CAPZB: variants seen among roughly 807,000 people sequenced by gnomAD.
CAPZB encodes the protein capping actin protein of muscle Z-line subunit beta.
Under a neutral mutation model 38.1 loss-of-function variants are expected in CAPZB, and 2 were observed. That is an observed-to-expected ratio of 0.05 (90% CI 0.02 to 0.17). The LOEUF (loss-of-function observed/expected upper bound fraction) is 0.17, where lower values mean the gene tolerates loss of function less well. Among genes scored for constraint, CAPZB ranks in the 10% least tolerant of loss-of-function variants. The probability of loss-of-function intolerance (pLI) is 1.00; values close to 1 mark genes in which losing one functional copy is unlikely to be tolerated. For missense variants in CAPZB, 161 were observed against 334.2 expected, an observed-to-expected ratio of 0.48 and a Z score of 4.04; for synonymous variants, 107 against 127.4, an observed-to-expected ratio of 0.84 and a Z score of 1.08.
chr1:19,453,272 G>A (rs1570314970), intron 1 of CAPZB, among the ~76,000 whole-genome samples: 1 of 151,534 alleles, frequency 6.6e-6, no homozygotes, highest in African/African-American at 2.4e-5. Context: ...TTTTTGTTTT[G>A]TTTTTTTGAG....
At chr1:19,385,783 G>A in intron 2 of CAPZB, 157 bp from the exon 3 acceptor site, 3 of 836,692 alleles carry the variant, frequency 3.6e-6, no homozygotes, top group Non-Finnish European at 6.4e-6. Flanking sequence ...TTTTCCACAT[G>A]TGTCTGACAC....
At chr1:19,427,516 C>G (rs758277079) in intron 1 of CAPZB, among the ~76,000 whole-genome samples, 3 of 152,246 alleles carry the variant, frequency 2.0e-5, no homozygotes, top group Non-Finnish European at 4.4e-5. Context: ...AACGTCGAAT[C>G]TGTTTTCTGC....
intron 4 of CAPZB, among the ~76,000 whole-genome samples, chr1:19,363,872 G>A (rs1181276025): frequency 6.6e-6 from 1 of 152,186 alleles, no homozygotes; most frequent in Non-Finnish European, 1.5e-5. Context: ...GCTCCCAACA[G>A]ATAATGAGTA....
At chr1:19,478,736 C>T (rs1434263145) in intron 1 of CAPZB, among the ~76,000 whole-genome samples, 2 of 152,204 alleles carry the variant, frequency 1.3e-5, no homozygotes, top group African/African-American at 2.4e-5. Flanking sequence ...TCTATTAGGT[C>T]TACCTGACTG....
chr1:19,431,720 C>G (rs2094442316), intron 1 of CAPZB, among the ~76,000 whole-genome samples: 1 of 146,748 alleles, frequency 6.8e-6, no homozygotes, highest in African/African-American at 2.6e-5. Context: ...GACTCCGTCT[C>G]AAAAAATAAA....
chr1:19,422,858 AG>A (rs2094407007), intron 1 of CAPZB, among the ~76,000 whole-genome samples: 2 of 151,952 alleles, frequency 1.3e-5, no homozygotes, highest in Non-Finnish European at 2.9e-5. Flanking sequence ...TTAAGATATA[AG>A]TAAGCCTGTC....
intron 3 of CAPZB, among the ~76,000 whole-genome samples, chr1:19,381,683 A>C (rs2094175638): frequency 9.3e-6 from 1 of 107,458 alleles, no homozygotes; most frequent in Non-Finnish European, 1.9e-5. Context: ...ATGCCCAGCT[A>C]ATTTTTTTTT....
rs1257797205 is a variant in CAPZB, at chr1:19,476,200, ATAGATAGATAGATAGATAGATAGATAG to A, written c.3+9209_3+9235del. On this transcript the variant is annotated intron_variant, in intron 1 of 8. Transcript: ENST00000264202. ...GATAGATAGATAGATAGATAGATAG[ATAGATAGATAGATAGATAGATAGATAG>A]GCAGGCAGGCAGGCACTGTGGCACA... Among the ~76,000 whole-genome samples, 25 of 138,022 alleles carry A rather than the reference ATAGATAGATAGATAGATAGATAGATAG, an allele frequency of 1.8e-4. No individual in the cohort carries two copies. The East Asian group carries it at 3.3e-3, about 18-fold the overall frequency. The allele number at this position is 138,022 out of a possible 152,430, so 90.5% of individuals were successfully genotyped here.
At chr1:19,450,063 G>A (rs1401497987) in intron 1 of CAPZB, among the ~76,000 whole-genome samples, 1 of 143,650 alleles carries the variant, frequency 7.0e-6, no homozygotes, top group Non-Finnish European at 1.5e-5. Context: ...AGGACTGCTT[G>A]AGCCCAGGAG....
At chr1:19,355,897 C>T (rs982616487) in intron 6 of CAPZB, among the ~76,000 whole-genome samples, 3 of 152,122 alleles carry the variant, frequency 2.0e-5, no homozygotes, top group Admixed American at 2.0e-4. Context: ...TTCTTAAACC[C>T]ACCCAGATGC....
chr1:19,418,625 G>A (rs1034150216), intron 2 of CAPZB, among the ~76,000 whole-genome samples: 5 of 152,162 alleles, frequency 3.3e-5, no homozygotes, highest in African/African-American at 1.2e-4. Context: ...TCCGCTCTGT[G>A]TCACACACTT....
intron 6 of CAPZB, among the ~76,000 whole-genome samples, chr1:19,347,419 G>A (rs2093967899): frequency 6.6e-6 from 1 of 152,114 alleles, no homozygotes; most frequent in Non-Finnish European, 1.5e-5. Flanking sequence ...CTGCACCTGT[G>A]GCTGAGAGGA....
intron 4 of CAPZB, among the ~76,000 whole-genome samples, chr1:19,367,834 T>G (rs1278793024): frequency 6.6e-6 from 1 of 152,206 alleles, no homozygotes; most frequent in East Asian, 1.9e-4. Context: ...AATGAAGGCC[T>G]CTCTGGAAAC....
At chr1:19,474,184 C>A (rs2094599291) in intron 1 of CAPZB, among the ~76,000 whole-genome samples, 1 of 152,022 alleles carries the variant, frequency 6.6e-6, no homozygotes, top group Non-Finnish European at 1.5e-5. Context: ...TTTGTAGAGA[C>A]AGGATTTCAC....
At chr1:19,461,413 G>A (rs978365634) in intron 1 of CAPZB, among the ~76,000 whole-genome samples, 1 of 152,210 alleles carries the variant, frequency 6.6e-6, no homozygotes. Context: ...TGGAGCTCCT[G>A]GCTGAGGCGG....
chr1:19,442,676 C>G (rs1277319685), intron 1 of CAPZB, among the ~76,000 whole-genome samples: 4 of 152,158 alleles, frequency 2.6e-5, no homozygotes, highest in Non-Finnish European at 4.4e-5. Context: ...CTAAATGCAG[C>G]TTTGTAGCAG....
At chr1:19,409,359 C>T (rs1376782063) in intron 2 of CAPZB, among the ~76,000 whole-genome samples, 1 of 151,880 alleles carries the variant, frequency 6.6e-6, no homozygotes, top group Admixed American at 6.6e-5. Flanking sequence ...GAAACGAATC[C>T]ACCCACCAAG....
At chr1:19,343,010 G>A (rs2093940568) in intron 8 of CAPZB, 1 of 658,742 alleles carries the variant, frequency 1.5e-6, no homozygotes, top group Admixed American at 2.1e-5. Flanking sequence ...GGTGTGGAGT[G>A]GTATCGCCGC....
At chr1:19,408,411 C>T (rs772530264) in intron 2 of CAPZB, among the ~76,000 whole-genome samples, 7 of 152,242 alleles carry the variant, frequency 4.6e-5, no homozygotes, top group Non-Finnish European at 1.0e-4. Context: ...TCCAAGGTCT[C>T]AAAGCTGGAA....
Sources: gnomAD v4.1 joint callset for allele counts (sites outside exome capture counted in the v4.1 genomes callset) on GRCh38, gnomAD v4.1.1 for gene constraint, MANE v1.5 for transcripts, NCBI Gene and HGNC (gene_info 2026-07-23, HGNC 2026-07-21) for gene names.